Variants in EPS8L2 observed in about 807,000 individuals in gnomAD.
EPS8L2 encodes the protein EPS8 signaling adaptor L2, also known as epidermal growth factor receptor kinase substrate 8-like protein 2.
In EPS8L2, 81 loss-of-function variants were observed where a neutral mutation model predicts 99.4. The observed-to-expected ratio is 0.82, with a 90% confidence interval of 0.68 to 0.98. EPS8L2 has a LOEUF of 0.98. Ranked by LOEUF, EPS8L2 falls within the 50% of genes least tolerant of loss-of-function variation. The pLI is 0.00. For missense variants in EPS8L2, 1,155 were observed against 968.8 expected, an observed-to-expected ratio of 1.19 and a Z score of -2.55; for synonymous variants, 509 against 407.3, an observed-to-expected ratio of 1.25 and a Z score of -3.01.
chr11:726,922 C>T lies in EPS8L2; in HGVS notation c.2089C>T (p.Leu697=). ...FLEKQQSGSE[L]EELMNKFHSM... is the part of the protein sequence containing the mutation. ...CTAGAAGCAGCAAAGTGGGTCGGAG[C>T]TGGAAGAACTCATGAACAAGTTTCA... The change falls in exon 21 of 21, where the codon CTG becomes TTG. Residue 697 remains leucine (L), a synonymous_variant. Transcript: ENST00000318562. 1 of 1,613,296 alleles carries T rather than the reference C, an allele frequency of 6.2e-7. No homozygotes were observed. Among genetic ancestry groups the T allele is most frequent in the Non-Finnish European group, 8.5e-7 (1 of 1,179,898 alleles).
intron 7 of EPS8L2, 22 bp downstream of exon 7, chr11:720,931 G>T: frequency 6.5e-7 from 1 of 1,528,248 alleles, no homozygotes; most frequent in Non-Finnish European, 8.7e-7. Context: ...GGCGGAGCGG[G>T]GTCGCAGGGG....
intron 17 of EPS8L2, 112 bp from the exon 18 acceptor site, chr11:725,986 G>T (rs1862306070): frequency 1.5e-6 from 2 of 1,338,118 alleles, no homozygotes; most frequent in Non-Finnish European, 2.0e-6. Flanking sequence ...GAAGGAAAGG[G>T]CTGGTCCGCA....
intron 4 of EPS8L2, among the ~76,000 whole-genome samples, chr11:713,368 C>T (rs1861937581): frequency 6.6e-6 from 1 of 152,216 alleles, no homozygotes; most frequent in Admixed American, 6.5e-5. Flanking sequence ...TGCCTGCCTT[C>T]ATCACCACAG....
chr11:717,371 A>C (rs960300980), intron 4 of EPS8L2, among the ~76,000 whole-genome samples: 1 of 152,212 alleles, frequency 6.6e-6, no homozygotes, highest in African/African-American at 2.4e-5. Context: ...ATAGTTCTGC[A>C]TTGAGCAGCC....
At chr11:725,490 G>A (rs1022756999) in intron 16 of EPS8L2, among the ~76,000 whole-genome samples, 7 of 152,200 alleles carry the variant, frequency 4.6e-5, no homozygotes, top group African/African-American at 9.6e-5. Context: ...CAGCCTGGGC[G>A]GCAGAGTGAG....
chr11:719,012 C>T (rs768857451), intron 4 of EPS8L2, among the ~76,000 whole-genome samples: 28 of 148,958 alleles, frequency 1.9e-4, no homozygotes, highest in Non-Finnish European at 4.4e-5. Flanking sequence ...GTTGCCCAGC[C>T]TGGAGTGTAG....
chr11:722,122 G>GCGC lies in EPS8L2; in HGVS notation c.1020_1022dup (p.Ala341dup). On this transcript the variant is annotated inframe_insertion, in exon 12 of 21. Transcript: ENST00000318562. The stretch of plus-strand genomic sequence containing the variant: ...CTGCAGAAGCACATCCAGAACCCCA[G>GCGC]CGCCGCGGAGCTCGTGCACTTCCTC... 1 of 1,612,986 alleles carries GCGC rather than the reference G, an allele frequency of 6.2e-7. No homozygotes were observed. The highest frequency in any genetic ancestry group is 1.3e-5 in the African/African-American group (1 of 75,050).
At chr11:707,696 C>A (rs895758640) in intron 1 of EPS8L2, among the ~76,000 whole-genome samples, 2 of 152,184 alleles carry the variant, frequency 1.3e-5, no homozygotes, top group Middle Eastern at 6.8e-3. Flanking sequence ...CCACTGCTGC[C>A]CGGCCCTGCC....
chr11:714,815 G>C (rs1861975357), intron 4 of EPS8L2, among the ~76,000 whole-genome samples: 1 of 151,920 alleles, frequency 6.6e-6, no homozygotes, highest in Non-Finnish European at 1.5e-5. Context: ...TTGTTGTTAG[G>C]GGTATTTTGT....
rs373551362 is a variant in EPS8L2 at position 715,722 on chromosome 11, G to A, written c.166-4340G>A. On this transcript the variant is annotated intron_variant, in intron 4 of 20. Coordinates refer to ENST00000318562, the MANE Select transcript of EPS8L2 (RefSeq NM_022772.4). ...TGCAAGCTCCGCCTCCTGGGTTCAC[G>A]CCATTCTCCTGCCTCAGCCTCCCAA... 4.4e-3 allele frequency among the ~76,000 whole-genome samples: 637 copies of A among 145,814 alleles called. 15 individuals are homozygous for A. In the South Asian group the frequency reaches 0.051, roughly 12 times the overall value.
At chr11:711,440 G>C (rs1351668240) in intron 4 of EPS8L2, among the ~76,000 whole-genome samples, 2 of 152,084 alleles carry the variant, frequency 1.3e-5, no homozygotes, top group African/African-American at 4.8e-5. Flanking sequence ...CCGCCTCCTG[G>C]ACTCAAGTGA....
Position 724,591 on chromosome 11 carries a change from CTCCA to C in EPS8L2, c.1455-132_1455-129del. Reference sequence around the variant, plus strand: ...CGGGCTGACGCTGCCTGCAGCCTCTCTCCACGGTGACCTCCAGAACAGAAAAGAG... The same window carrying C: ...CGGGCTGACGCTGCCTGCAGCCTCTCCGGTGACCTCCAGAACAGAAAAGAG... On this transcript the variant is annotated intron_variant, in intron 15 of 20. Transcript: ENST00000318562. This position sits in a 1 kb window ranked among gnomAD's most constrained non-coding sequence, Gnocchi z 5.5. 1 of 655,272 alleles carries C rather than the reference CTCCA, an allele frequency of 1.5e-6. No individual in the cohort carries two copies. Among genetic ancestry groups the C allele is most frequent in the Non-Finnish European group, 2.7e-6 (1 of 365,242 alleles). 40.6% of individuals were successfully genotyped at this position (655,272 alleles called of 1,614,324 possible).
rs1862259398 is a variant in EPS8L2 at position 724,210 on chromosome 11, G to C, written c.1455-514G>C. Among the ~76,000 whole-genome samples, 1 of 152,134 alleles carries C rather than the reference G, an allele frequency of 6.6e-6. No individual in the cohort carries two copies. The highest frequency in any genetic ancestry group is 6.5e-5 in the Admixed American group (1 of 15,272). ...ACAGGCCTGCTACATGCCAAAGCCAGGACCCCTCAGCCAGGGCCAGCCCCC... is the reference window on the plus strand; with the variant it reads ...ACAGGCCTGCTACATGCCAAAGCCACGACCCCTCAGCCAGGGCCAGCCCCC... On this transcript the variant is annotated intron_variant, in intron 15 of 20. Transcript: ENST00000318562. The surrounding 1 kb of genome is among the most constrained non-coding windows in gnomAD (Gnocchi z 5.5).
In EPS8L2 at chr11:721,306, A is replaced by G; in HGVS notation, c.722A>G (p.Gln241Arg). ...SEPGFRRRES[Q>R]EEPRAVLAQK... is the part of the protein sequence containing the mutation. ...TCAGGTTTCCGCCGTCGGGAGTCGC[A>G]GGAGGAGCCGCGGGCCGTGCTGGCT... Residue 241 changes from glutamine (Q) to arginine (R), a missense_variant, in exon 9 of 21, where the codon CAG becomes CGG. Physicochemically the swap from Gln to Arg is conservative, Grantham distance 43. Transcript: ENST00000318562. 1.3e-6 allele frequency: 2 copies of G among 1,539,962 alleles called. No homozygotes were observed.
In EPS8L2 at chr11:721,103, G is replaced by A; in HGVS notation, c.597G>A (p.Leu199=). ...AGATTCGGCAGCGGCAGTCCATCCT[G>A]CCTCCTCCCCAGGGCCCGGCGCCCA... ...QEKIRQRQSI[L]PPPQGPAPIP... is the part of the protein sequence containing the mutation. Residue 199 remains leucine, a synonymous_variant, in exon 8 of 21, where the codon CTG becomes CTA. Coordinates refer to ENST00000318562, the MANE Select transcript of EPS8L2 (RefSeq NM_022772.4). 1.3e-6 allele frequency: 2 copies of A among 1,529,338 alleles called. No homozygotes were observed. Among genetic ancestry groups the A allele is most frequent in the Middle Eastern group, 1.7e-4 (1 of 5,822 alleles). 94.7% of individuals were successfully genotyped at this position (1,529,338 alleles called of 1,614,324 possible). A position where few individuals can be genotyped will look rare whatever the true frequency, so the allele number is the denominator to read the frequency against.
rs753332879 is a variant in EPS8L2, at chr11:720,215, G to A, written c.319G>A (p.Glu107Lys). The A allele has an allele frequency of 1.1e-5, 18 of 1,612,856 alleles. No individual in the cohort carries two copies. In the African/African-American group the frequency reaches 1.7e-4, roughly 16 times the overall value. The change falls in exon 5 of 21, where the codon GAG becomes AAG. Residue 107 changes from glutamate (E) to lysine (K), a missense_variant. Transcript: ENST00000318562. ...NDQSLRLLDI[E>K]SQEELEDFPL... The stretch of plus-strand genomic sequence containing the variant: ...CCAGTCGCTGCGGCTGCTGGACATC[G>A]AGTCACAGGTGGGGCCCAGCGCCAC...
In EPS8L2 at chr11:720,068, G is replaced by A. The variant is rs1213202681; in HGVS notation, c.172G>A (p.Ala58Thr). Residue 58 changes from alanine (A) to threonine (T), a missense_variant, in exon 5 of 21, where the codon GCC becomes ACC. Transcript: ENST00000318562. Reference protein sequence around the residue: ...ETSQYHVQHLATFIMDKSEAI... With the variant: ...ETSQYHVQHLTTFIMDKSEAI... ...ACCACCTGCCCACCCCCAGCACCTGGCCACATTCATCATGGACAAGAGCGA... is the reference window on the plus strand; with the variant it reads ...ACCACCTGCCCACCCCCAGCACCTGACCACATTCATCATGGACAAGAGCGA... The A allele has an allele frequency of 6.2e-7, 1 of 1,611,992 alleles. No homozygotes were observed. The highest frequency in any genetic ancestry group is 2.2e-5 in the East Asian group (1 of 44,836).
chr11:726,105 A>G lies in EPS8L2; in HGVS notation c.1688A>G (p.Gln563Arg). Residue 563 changes from glutamine (Q) to arginine (R), a missense_variant, in exon 18 of 21, where the codon CAG (glutamine) becomes CGG (arginine). By Grantham distance (43) the Gln-to-Arg change is conservative. Coordinates refer to ENST00000318562, the MANE Select transcript of EPS8L2 (RefSeq NM_022772.4). Reference protein sequence around the residue: ...DAGAPFEQAGQKYWGPASPTH... With the variant: ...DAGAPFEQAGRKYWGPASPTH... Reference sequence around the variant, plus strand: ...CGCCCCCCGCCCCCGCAGGCCGGTCAGAAGTACTGGGGCCCCGCCAGCCCG... The same window carrying G: ...CGCCCCCCGCCCCCGCAGGCCGGTCGGAAGTACTGGGGCCCCGCCAGCCCG... 6.3e-7 allele frequency: 1 copy of G among 1,595,578 alleles called. No homozygotes were observed. The highest frequency in any genetic ancestry group is 8.6e-7 in the Non-Finnish European group (1 of 1,168,958).
At chr11:708,087 C>T (rs537635134) in intron 1 of EPS8L2, among the ~76,000 whole-genome samples, 1 of 152,294 alleles carries the variant, frequency 6.6e-6, no homozygotes, top group East Asian at 1.9e-4. Context: ...GTCCCGGGTG[C>T]TCCGAGCCAC....
Sources: allele counts gnomAD v4.1 joint callset (sites outside exome capture counted in the v4.1 genomes callset), GRCh38; gene constraint gnomAD v4.1.1; non-coding constraint Gnocchi (gnomAD v3.1); transcripts MANE v1.5; gene names NCBI Gene and HGNC (gene_info 2026-07-23, HGNC 2026-07-21).